UBE2V1: variants seen among roughly 807,000 people sequenced by gnomAD.
UBE2V1 encodes the protein ubiquitin-conjugating enzyme E2 variant 1.
UBE2V1 carries 15 observed loss-of-function variants against 19.6 expected under a neutral mutation model. That is an observed-to-expected ratio of 0.77 (90% CI 0.51 to 1.18). The LOEUF (loss-of-function observed/expected upper bound fraction) is 1.18, where lower values mean the gene tolerates loss of function less well. Ranked by LOEUF, UBE2V1 falls within the 50% of genes most tolerant of loss-of-function variation. The pLI is 0.00. For synonymous variants in UBE2V1, 60 were observed against 60.7 expected, an observed-to-expected ratio of 0.99 and a Z score of 0.05; for missense variants, 125 against 184.8, an observed-to-expected ratio of 0.68 and a Z score of 1.88.
Position 50,089,498 on chromosome 20 carries a change from T to C in UBE2V1, c.172-5244A>G, listed in dbSNP as rs140587252. Among the ~76,000 whole-genome samples, 1,229 of 152,292 alleles carry C rather than the reference T, an allele frequency of 8.1e-3. 20 individuals are homozygous for C. Among genetic ancestry groups the C allele is most frequent in the African/African-American group, 0.028 (1,153 of 41,552 alleles). On this transcript the variant is annotated intron_variant, in intron 2 of 3. Coordinates refer to ENST00000371674, the MANE Select transcript of UBE2V1 (RefSeq NM_001032288.3). The stretch of plus-strand genomic sequence containing the variant: ...TCCCCATGCCTTTCAGGCTCTCTCT[T>C]GTGTCCCTGACTGGTGGAACCTTCA...
In UBE2V1 at chr20:50,094,911, C is replaced by G. The variant is rs558354590; in HGVS notation, c.171+1761G>C. 2.0e-5 allele frequency: 3 copies of G among 152,150 alleles called. No homozygotes were observed. The South Asian group carries it at 6.2e-4, about 32-fold the overall frequency. The allele number at this position is 152,150 out of a possible 1,614,324, so 9.4% of individuals were successfully genotyped here. ...ACCAAAAACAAATACATGGAGGACT[C>G]CTGGCATACCGTAGCTACGCATTAC... On this transcript the variant is annotated intron_variant, in intron 2 of 3. Coordinates refer to ENST00000371674, the MANE Select transcript of UBE2V1 (RefSeq NM_001032288.3).
chr20:50,113,291 T>G, upstream of UBE2V1: 3 of 469,896 alleles, frequency 6.4e-6, no homozygotes, highest in African/African-American at 2.0e-5. Flanking sequence ...CCTTCCCTTT[T>G]AGAGAAAGGA....
At chr20:50,084,328 C>T in intron 2 of UBE2V1, 74 bp from the exon 3 acceptor site, 3 of 1,605,518 alleles carry the variant, frequency 1.9e-6, no homozygotes, top group Non-Finnish European at 2.6e-6. Flanking sequence ...TGTGAAACCC[C>T]ATTTATCCCT....
intron 2 of UBE2V1, among the ~76,000 whole-genome samples, chr20:50,094,270 A>ATATATAATGCATTATATAT (rs1276686670): frequency 2.3e-5 from 3 of 132,888 alleles, no homozygotes; most frequent in South Asian, 2.2e-4. Flanking sequence ...GCATTATATA[A>ATATATAATGCATTATATAT]TATATAATGC....
intron 2 of UBE2V1, among the ~76,000 whole-genome samples, chr20:50,093,112 C>T (rs1313968187): frequency 2.6e-5 from 4 of 152,208 alleles, no homozygotes; most frequent in African/African-American, 4.8e-5. Flanking sequence ...CTAAACAGGA[C>T]ATAATATGGT....
chr20:50,084,578 A>T, intron 2 of UBE2V1: 2 of 479,270 alleles, frequency 4.2e-6, no homozygotes, highest in South Asian at 3.1e-5. Context: ...GGTAAGAGGC[A>T]TTCTCTATTC....
intron 1 of UBE2V1, among the ~76,000 whole-genome samples, chr20:50,106,874 C>CAACAACAACA (rs530425666): frequency 3.2e-5 from 4 of 124,672 alleles, no homozygotes; most frequent in African/African-American, 1.3e-4. Context: ...ACAACAACAA[C>CAACAACAACA]AAAAAAAAAA....
intron 1 of UBE2V1, among the ~76,000 whole-genome samples, chr20:50,112,166 CT>C (rs1293321130): frequency 1.3e-5 from 2 of 152,216 alleles, no homozygotes; most frequent in Non-Finnish European, 2.9e-5. Context: ...AAAGAGGAGA[CT>C]TTTCTCCTTT....
chr20:50,085,570 C>G (rs904377415), intron 2 of UBE2V1, among the ~76,000 whole-genome samples: 1 of 152,158 alleles, frequency 6.6e-6, no homozygotes, highest in East Asian at 1.9e-4. Flanking sequence ...GTACCCTCTC[C>G]GGCATCCGTG....
intron 1 of UBE2V1, chr20:50,104,450 G>C (rs1232215485): frequency 3.3e-6 from 2 of 602,856 alleles, no homozygotes; most frequent in East Asian, 1.4e-4. Context: ...GAGGTCAGGA[G>C]ATCGAGACCA....
chr20:50,105,678 G>C (rs2080308029), intron 1 of UBE2V1, among the ~76,000 whole-genome samples: 1 of 152,216 alleles, frequency 6.6e-6, no homozygotes, highest in Admixed American at 6.5e-5. Context: ...GCCAGGCGCA[G>C]TGGCTCACAC....
upstream of UBE2V1, chr20:50,113,283 T>G: frequency 1.8e-5 from 9 of 502,280 alleles, no homozygotes; most frequent in East Asian, 3.7e-5. Context: ...GCTCTTTTCC[T>G]TCCCTTTTAG....
At chr20:50,111,480 C>A in intron 1 of UBE2V1, 1 of 1,000,338 alleles carries the variant, frequency 1.0e-6, no homozygotes, top group Non-Finnish European at 1.2e-6. Flanking sequence ...TTTTACCCAG[C>A]AGTCTGGCCT....
chr20:50,098,876 G>A, intron 1 of UBE2V1: 1 of 976,158 alleles, frequency 1.0e-6, no homozygotes, highest in Non-Finnish European at 1.2e-6. Flanking sequence ...AAACCTGCAA[G>A]CATACTTGAA....
Position 50,082,802 on chromosome 20 carries a change from G to A in UBE2V1, c.410C>T (p.Pro137Leu). The change falls in exon 4 of 4, where the codon CCT becomes CTT. Residue 137 changes from proline to leucine, a missense_variant. Around this residue, in one of 3 missense-constraint regions of UBE2V1, gnomAD observed 78 missense variants for 108.8 expected, o/e 0.72. Transcript: ENST00000371674. ...LMMSKENMKL[P>L]QPPEGQCYSN ...GTAACACTGTCCTTCGGGCGGCTGAGGGAGTTTCATATTTTCTTTAGACAT... is the reference window on the plus strand; with the variant it reads ...GTAACACTGTCCTTCGGGCGGCTGAAGGAGTTTCATATTTTCTTTAGACAT... The A allele has an allele frequency of 3.1e-6, 5 of 1,613,236 alleles. No individual in the cohort carries two copies. The highest frequency in any genetic ancestry group is 4.2e-6 in the Non-Finnish European group (5 of 1,179,840).
intron 2 of UBE2V1, among the ~76,000 whole-genome samples, chr20:50,092,928 C>T (rs151274182): frequency 6.6e-6 from 1 of 152,182 alleles, no homozygotes; most frequent in Non-Finnish European, 1.5e-5. Context: ...CCCATTCCTC[C>T]AGAGGTATTC....
At chr20:50,098,981 AC>A in intron 1 of UBE2V1, 1 of 985,418 alleles carries the variant, frequency 1.0e-6, no homozygotes, top group Non-Finnish European at 1.2e-6. Context: ...CAAACATAAA[AC>A]TGAAAGATAG....
At chr20:50,099,150 G>T (rs2079824797) in intron 1 of UBE2V1, among the ~76,000 whole-genome samples, 1 of 152,168 alleles carries the variant, frequency 6.6e-6, no homozygotes, top group Admixed American at 6.5e-5. Flanking sequence ...AACATCAAAA[G>T]AATCATATTG....
intron 2 of UBE2V1, among the ~76,000 whole-genome samples, chr20:50,087,193 C>T (rs1002562811): frequency 6.6e-6 from 1 of 152,000 alleles, no homozygotes; most frequent in Admixed American, 6.6e-5. Flanking sequence ...GTCAGGAGTT[C>T]GAGACCCATC....
Sources: gnomAD v4.1 joint callset for allele counts (sites outside exome capture counted in the v4.1 genomes callset) on GRCh38, gnomAD v4.1.1 for gene constraint, gnomAD v4.1.1 regional missense constraint, MANE v1.5 for transcripts, NCBI Gene and HGNC (gene_info 2026-07-23, HGNC 2026-07-21) for gene names.